Variants in GNB5 observed in about 807,000 individuals in gnomAD.
GNB5 encodes the protein G protein subunit beta 5, also known as guanine nucleotide-binding protein subunit beta-5.
In GNB5, 37 loss-of-function variants were observed where a neutral mutation model predicts 55.3. That is an observed-to-expected ratio of 0.67 (90% CI 0.51 to 0.88). GNB5 has a LOEUF of 0.88. GNB5 is among the 40% of genes least tolerant of loss of function. The probability of loss-of-function intolerance (pLI) is 0.00; values close to 1 mark genes in which losing one functional copy is unlikely to be tolerated. For synonymous variants in GNB5, 219 were observed against 198.5 expected (o/e 1.10, Z -0.87); for missense variants, 476 against 515.3 (o/e 0.92, Z 0.74).
chr15:52,148,370 G>A (rs1216071550), intron 5 of GNB5, among the ~76,000 whole-genome samples: 1 of 152,166 alleles, frequency 6.6e-6, no homozygotes, highest in Non-Finnish European at 1.5e-5. Context: ...CACGGATAAT[G>A]AGAACTGGTA....
At chr15:52,124,315 A>G (rs560260444) in intron 12 of GNB5, among the ~76,000 whole-genome samples, 158 bp downstream of exon 12, 1 of 152,320 alleles carries the variant, frequency 6.6e-6, no homozygotes, top group African/African-American at 2.4e-5. Flanking sequence ...CAGGCAACCC[A>G]TTCCCTCTGT....
chr15:52,176,138 T>G (rs1418092789), intron 3 of GNB5, among the ~76,000 whole-genome samples: 1 of 152,108 alleles, frequency 6.6e-6, no homozygotes, highest in African/African-American at 2.4e-5. Context: ...GGAAAGTGCA[T>G]GCTGCCAGCC....
At chr15:52,163,905 C>T (rs2034394957) in intron 3 of GNB5, among the ~76,000 whole-genome samples, 1 of 152,140 alleles carries the variant, frequency 6.6e-6, no homozygotes, top group African/African-American at 2.4e-5. Context: ...TGTTTTGCAG[C>T]CTTCACTGGT....
intron 3 of GNB5, among the ~76,000 whole-genome samples, chr15:52,158,399 A>G (rs11857447): frequency 0.48 from 73,643 of 152,162 alleles, 21,475 homozygotes; most frequent in Non-Finnish European, 0.67. Context: ...TACTGAAGGA[A>G]TAAATGAAAT....
At chr15:52,159,975 T>A (rs112924739) in intron 3 of GNB5, among the ~76,000 whole-genome samples, 2,398 of 146,468 alleles carry the variant, frequency 0.016, 109 homozygotes, top group South Asian at 0.15. Context: ...TGAGATGGAG[T>A]CTCACTCTGT....
At chr15:52,136,064 A>AACACACAC (rs147163026) in intron 7 of GNB5, among the ~76,000 whole-genome samples, 1,355 of 98,030 alleles carry the variant, frequency 0.014, 32 homozygotes, top group South Asian at 0.023. Flanking sequence ...GGAAAAGCAG[A>AACACACAC]ACACACACAC....
chr15:52,122,758 T>C lies in GNB5; in HGVS notation c.1187A>G (p.Ter396=). 3 of 1,603,012 alleles carry C rather than the reference T, an allele frequency of 1.9e-6. No homozygotes were observed. The highest frequency in any genetic ancestry group is 2.6e-6 in the Non-Finnish European group (3 of 1,169,768). ...SWDHTLRVWA[*] ...CATGAGTGCACTGTCAGAAGATGAT[T>C]AGGCCCAGACCTGTGAAGACACAAA... Residue 396 remains the stop codon, a stop_retained_variant, in exon 13 of 13, where the codon TAA becomes TGA. Coordinates refer to ENST00000261837, the MANE Select transcript of GNB5 (RefSeq NM_016194.4).
In GNB5 at chr15:52,142,467, T is replaced by G. The variant is rs2033877433; in HGVS notation, c.495-1195A>C. On this transcript the variant is annotated intron_variant, in intron 6 of 12. Coordinates refer to ENST00000261837, the MANE Select transcript of GNB5 (RefSeq NM_016194.4). ...GTATCACTGTACACCCATAAATTTGTTTTTTTTTCTTAATTGTATCATGAT... is the reference window on the plus strand; with the variant it reads ...GTATCACTGTACACCCATAAATTTGGTTTTTTTTCTTAATTGTATCATGAT... Among the ~76,000 whole-genome samples, 8 of 151,032 alleles carry G rather than the reference T, an allele frequency of 5.3e-5. 1 individual carries two copies. The South Asian group carries it at 1.7e-3, about 32-fold the overall frequency.
At chr15:52,133,839 G>A (rs1452624704) in intron 8 of GNB5, among the ~76,000 whole-genome samples, 1 of 152,226 alleles carries the variant, frequency 6.6e-6, no homozygotes, top group African/African-American at 2.4e-5. Context: ...CAGAGGGCAA[G>A]GCAGGCAGGC....
At chr15:52,125,159 G>A (rs1422321187) in intron 11 of GNB5, 1 of 152,540 alleles carries the variant, frequency 6.6e-6, no homozygotes, top group Non-Finnish European at 1.5e-5. Flanking sequence ...TAGCCAGCCT[G>A]TTACCTCTGC....
In GNB5 at chr15:52,135,667, G is replaced by A. The variant is rs567404289; in HGVS notation, c.717C>T (p.Asp239=). The A allele has an allele frequency of 2.9e-5, 46 of 1,613,502 alleles. No individual in the cohort carries two copies. Among genetic ancestry groups the A allele is most frequent in the East Asian group, 1.3e-4 (6 of 44,856 alleles). Residue 239 remains aspartate, a synonymous_variant, in exon 8 of 13, where the codon GAC becomes GAT. Coordinates refer to ENST00000261837, the MANE Select transcript of GNB5 (RefSeq NM_016194.4). ...AGGGGGCCAGGTCCAAGCAGAGGACGTCAGCCCCATGTCCGTGGAAGCTCT... is the reference window on the plus strand; with the variant it reads ...AGGGGGCCAGGTCCAAGCAGAGGACATCAGCCCCATGTCCGTGGAAGCTCT... The part of the protein sequence containing the change: ...LLQSFHGHGA[D]VLCLDLAPSE...
At chr15:52,155,382 T>A (rs927669236) in intron 3 of GNB5, among the ~76,000 whole-genome samples, 1 of 152,196 alleles carries the variant, frequency 6.6e-6, no homozygotes, top group Non-Finnish European at 1.5e-5. Context: ...CTGAGTCCTA[T>A]GACAGCAGCG....
intron 12 of GNB5, among the ~76,000 whole-genome samples, chr15:52,124,082 T>C (rs1490481125): frequency 6.6e-6 from 1 of 151,142 alleles, no homozygotes; most frequent in Non-Finnish European, 1.5e-5. Flanking sequence ...TTTGTGACCC[T>C]TGTCATCACA....
At chr15:52,186,149 T>C (rs930857289) in intron 1 of GNB5, among the ~76,000 whole-genome samples, 1 of 152,220 alleles carries the variant, frequency 6.6e-6, no homozygotes, top group African/African-American at 2.4e-5. Flanking sequence ...CACTGGACAC[T>C]ATAACCCACA....
Position 52,117,100 on chromosome 15 carries a change from A to T in GNB5, c.*5657T>A, listed in dbSNP as rs769678000. On this transcript the variant is annotated 3_prime_UTR_variant, in exon 13 of 13. Coordinates refer to ENST00000261837, the MANE Select transcript of GNB5 (RefSeq NM_016194.4). The stretch of plus-strand genomic sequence containing the variant: ...CACCACGCCCAGCTAATATATATAT[A>T]TATTTTTTTTTAGTACAGACAGGGT... The T allele has an allele frequency of 3.6e-5, 3 of 84,216 alleles. No homozygotes were observed. The highest frequency in any genetic ancestry group is 2.8e-4 in the African/African-American group (2 of 7,258). The allele number at this position is 84,216 out of a possible 1,614,324, so 5.2% of individuals were successfully genotyped here.
At chr15:52,160,082 G>C (rs928761003) in intron 3 of GNB5, among the ~76,000 whole-genome samples, 2 of 151,982 alleles carry the variant, frequency 1.3e-5, no homozygotes, top group African/African-American at 2.4e-5. Flanking sequence ...TGAGTAGCTG[G>C]AATTCCAGGC....
chr15:52,133,065 T>C (rs7177496), intron 9 of GNB5, among the ~76,000 whole-genome samples: 2,444 of 152,330 alleles, frequency 0.016, 72 homozygotes, highest in African/African-American at 0.056. Context: ...CTTGTCCATC[T>C]TGTTCACTGA....
At chr15:52,183,240 G>T (rs1002734735) in intron 2 of GNB5, among the ~76,000 whole-genome samples, 3 of 150,926 alleles carry the variant, frequency 2.0e-5, no homozygotes, top group Non-Finnish European at 4.4e-5. Context: ...GAGAACCTGT[G>T]TGCCACAGAG....
chr15:52,188,206 G>T (rs1329792341), intron 1 of GNB5, among the ~76,000 whole-genome samples: 1 of 152,098 alleles, frequency 6.6e-6, no homozygotes, highest in Non-Finnish European at 1.5e-5. Flanking sequence ...TTTTAACGGA[G>T]ACTCCAATTT....
Sources: gnomAD v4.1 joint callset for allele counts (sites outside exome capture counted in the v4.1 genomes callset) on GRCh38, gnomAD v4.1.1 for gene constraint, MANE v1.5 for transcripts, NCBI Gene and HGNC (gene_info 2026-07-23, HGNC 2026-07-21) for gene names.